ANO3: variants seen among roughly 807,000 people sequenced by gnomAD.
ANO3 encodes the protein anoctamin 3, also known as anoctamin-3.
In ANO3, 99 loss-of-function variants were observed where a neutral mutation model predicts 144.8. The observed-to-expected ratio is 0.68, with a 90% CI of 0.58 to 0.81. The LOEUF (loss-of-function observed/expected upper bound fraction) is 0.81, where lower values mean the gene tolerates loss of function less well. Among genes scored for constraint, ANO3 ranks in the 30% least tolerant of loss-of-function variants. The pLI is 0.00. For synonymous variants in ANO3, 414 were observed against 392.6 expected (o/e 1.05, Z -0.64); for missense variants, 905 against 1,202.2 (o/e 0.75, Z 3.66).
chr11:26,314,890 C>T (rs1854584961), intron 1 of ANO3, among the ~76,000 whole-genome samples: 1 of 152,048 alleles, frequency 6.6e-6, no homozygotes, highest in South Asian at 2.1e-4. Context: ...TCTAATCAAC[C>T]TCCCAAACTG....
At chr11:26,493,364 G>T (rs1347396825) in intron 4 of ANO3, among the ~76,000 whole-genome samples, 1 of 152,140 alleles carries the variant, frequency 6.6e-6, no homozygotes, top group Non-Finnish European at 1.5e-5. Flanking sequence ...ACAGGGGCAT[G>T]CTGGAAAGGA....
chr11:26,393,750 T>G (rs1856938139), intron 1 of ANO3, among the ~76,000 whole-genome samples: 1 of 152,188 alleles, frequency 6.6e-6, no homozygotes, highest in Admixed American at 6.5e-5. Flanking sequence ...CATTTTTTCT[T>G]TTGATGTCAC....
At chr11:26,449,497 A>T (rs375204275) in intron 3 of ANO3, among the ~76,000 whole-genome samples, 8,439 of 37,034 alleles carry the variant, frequency 0.23, 301 homozygotes, top group Non-Finnish European at 0.28. Context: ...TCACACACAC[A>T]CACACACACA....
chr11:26,304,984 T>G (rs1387086720), upstream of ANO3, among the ~76,000 whole-genome samples: 4 of 152,140 alleles, frequency 2.6e-5, no homozygotes, highest in East Asian at 7.7e-4. Flanking sequence ...CATATTATTA[T>G]CCCAATTAAA....
chr11:26,218,345 TAA>T (rs35343213), intron 1 of ANO3, among the ~76,000 whole-genome samples: 45,808 of 151,848 alleles, frequency 0.3, 7,623 homozygotes, highest in Non-Finnish European at 0.37. Flanking sequence ...CCTTGACTGG[TAA>T]TTATTTCTCT....
At chr11:26,480,217 T>C (rs1266282381) in intron 4 of ANO3, among the ~76,000 whole-genome samples, 2 of 152,154 alleles carry the variant, frequency 1.3e-5, no homozygotes, top group Non-Finnish European at 2.9e-5. Context: ...CAAAACACTT[T>C]CCACACTGAG....
intron 1 of ANO3, among the ~76,000 whole-genome samples, chr11:26,296,188 T>C (rs1396916536): frequency 6.6e-6 from 1 of 152,228 alleles, no homozygotes; most frequent in African/African-American, 2.4e-5. Flanking sequence ...GATTTATATA[T>C]GAAAATGTTC....
chr11:26,322,400 A>G (rs147471852), intron 1 of ANO3, among the ~76,000 whole-genome samples: 1 of 152,158 alleles, frequency 6.6e-6, no homozygotes, highest in Non-Finnish European at 1.5e-5. Context: ...TAGTTTATTC[A>G]TATTTTCTTT....
chr11:26,266,853 G>C (rs565467090), intron 1 of ANO3, among the ~76,000 whole-genome samples: 1 of 151,398 alleles, frequency 6.6e-6, no homozygotes. Flanking sequence ...AGGCCGAGGC[G>C]GGCGGATCAC....
intron 1 of ANO3, among the ~76,000 whole-genome samples, chr11:26,393,947 C>T (rs1470565967): frequency 2.0e-5 from 3 of 152,152 alleles, no homozygotes; most frequent in African/African-American, 4.8e-5. Context: ...AGTCAATCTA[C>T]GGACATATTC....
chr11:26,306,482 T>G (rs1025287790), upstream of ANO3, among the ~76,000 whole-genome samples: 2 of 151,752 alleles, frequency 1.3e-5, no homozygotes, highest in Non-Finnish European at 2.9e-5. Flanking sequence ...CTGGGCAATA[T>G]AGGGAGACCT....
intron 14 of ANO3, chr11:26,572,301 A>C: frequency 1.1e-6 from 1 of 935,894 alleles, no homozygotes; most frequent in Non-Finnish European, 1.3e-6. Context: ...CAACAACAAC[A>C]AAAGCCCAAC....
intron 1 of ANO3, among the ~76,000 whole-genome samples, chr11:26,366,919 A>G (rs1856105971): frequency 6.6e-6 from 1 of 152,104 alleles, no homozygotes. Flanking sequence ...TTATAGACCA[A>G]TGGAACAGAA....
intron 4 of ANO3, among the ~76,000 whole-genome samples, chr11:26,497,230 G>GTA (rs1001458874): frequency 2.0e-5 from 3 of 151,704 alleles, no homozygotes; most frequent in Admixed American, 6.6e-5. Flanking sequence ...ACAGAAGTAT[G>GTA]TATATATATG....
chr11:26,624,598 A>T, intron 18 of ANO3, 100 bp downstream of exon 18: 1 of 843,478 alleles, frequency 1.2e-6, no homozygotes, highest in Non-Finnish European at 1.9e-6. Flanking sequence ...AATAACTGCA[A>T]TTATTTAAGT....
chr11:26,235,668 T>C (rs1408102674), intron 1 of ANO3, among the ~76,000 whole-genome samples: 3 of 151,906 alleles, frequency 2.0e-5, no homozygotes, highest in Non-Finnish European at 4.4e-5. Flanking sequence ...ATTAATTATA[T>C]ATGTTTATTT....
rs779394110 is a variant in ANO3 at position 26,404,931 on chromosome 11, A to ATGTGTGTGTG, written c.47-36986_47-36985insGTGTGTGTGT. Among the ~76,000 whole-genome samples the ATGTGTGTGTG allele has an allele frequency of 3.6e-4, 14 of 39,278 alleles. No individual in the cohort carries two copies. In the East Asian group the frequency reaches 9.8e-3, roughly 27 times the overall value. The allele number at this position is 39,278 out of a possible 152,430, so 25.8% of individuals were successfully genotyped here. ...GCTAATTTCAGCAAGGAATTTATAT[A>ATGTGTGTGTG]TATGTGTGTGTGTGTGTGTGTGTGT... On this transcript the variant is annotated intron_variant, in intron 1 of 26. Transcript: ENST00000256737.
chr11:26,427,450 C>T (rs1026288356), intron 1 of ANO3: 1 of 152,118 alleles, frequency 6.6e-6, no homozygotes, highest in Non-Finnish European at 1.5e-5. Flanking sequence ...CAAATCATGG[C>T]CCAAGTTTCC....
intron 1 of ANO3, among the ~76,000 whole-genome samples, chr11:26,401,430 G>A (rs10834974): frequency 0.64 from 96,646 of 151,974 alleles, 33,415 homozygotes; most frequent in Admixed American, 0.78. Flanking sequence ...GTTTAAAATC[G>A]GGGATCTAAA....
Sources: allele counts gnomAD v4.1 joint callset (sites outside exome capture counted in the v4.1 genomes callset), GRCh38; gene constraint gnomAD v4.1.1; transcripts MANE v1.5; gene names NCBI Gene and HGNC (gene_info 2026-07-23, HGNC 2026-07-21).